CTNND2: variants seen among roughly 807,000 people sequenced by gnomAD.
CTNND2 encodes catenin delta 2.
In CTNND2, 22 loss-of-function variants were observed where a neutral mutation model predicts 144.4. That is an observed-to-expected ratio of 0.15 (90% CI 0.11 to 0.22). CTNND2 has a LOEUF of 0.22. Ranked by LOEUF, CTNND2 falls within the 10% of genes least tolerant of loss-of-function variation. The probability of loss-of-function intolerance (pLI) is 1.00; values close to 1 mark genes in which losing one functional copy is unlikely to be tolerated. For synonymous variants in CTNND2, 751 were observed against 695.6 expected (o/e 1.08, Z -1.25); for missense variants, 1,353 against 1,618.8 (o/e 0.84, Z 2.82).
chr5:11,814,766 A>T (rs947727304), intron 1 of CTNND2, among the ~76,000 whole-genome samples: 2 of 152,246 alleles, frequency 1.3e-5, no homozygotes, highest in Non-Finnish European at 2.9e-5. Context: ...TCTACTTGAC[A>T]AAATAAAATA....
chr5:11,264,282 G>A (rs930655670), intron 9 of CTNND2, among the ~76,000 whole-genome samples: 1 of 152,142 alleles, frequency 6.6e-6, no homozygotes, highest in Non-Finnish European at 1.5e-5. Context: ...TTGGAAACAG[G>A]GTCTTTGCAG....
chr5:11,368,676 T>C (rs1757193206), intron 7 of CTNND2, among the ~76,000 whole-genome samples: 1 of 152,160 alleles, frequency 6.6e-6, no homozygotes, highest in Non-Finnish European at 1.5e-5. Context: ...TAAACAGAAA[T>C]GGTATCTAAA....
At chr5:11,126,107 GC>G (rs1447678750) in intron 12 of CTNND2, among the ~76,000 whole-genome samples, 1 of 152,186 alleles carries the variant, frequency 6.6e-6, no homozygotes, top group Non-Finnish European at 1.5e-5. Flanking sequence ...TTCGAGACCA[GC>G]CTGACCAACA....
chr5:11,735,002 T>C (rs970447849), intron 1 of CTNND2, among the ~76,000 whole-genome samples: 31 of 152,008 alleles, frequency 2.0e-4, no homozygotes, highest in African/African-American at 5.8e-4. Context: ...CCAATGGGGA[T>C]TGGAATAGCA....
intron 3 of CTNND2, among the ~76,000 whole-genome samples, chr5:11,491,803 G>A (rs749908322): frequency 2.0e-5 from 3 of 152,136 alleles, no homozygotes; most frequent in South Asian, 2.1e-4. Context: ...TTTCTAAGCC[G>A]ATACCCAGTC....
intron 2 of CTNND2, among the ~76,000 whole-genome samples, chr5:11,729,970 C>CTT (rs1787245064): frequency 1.3e-5 from 1 of 78,296 alleles, no homozygotes; most frequent in Admixed American, 1.0e-4. Flanking sequence ...TCATTACTTG[C>CTT]TTGCATCTTT....
intron 3 of CTNND2, among the ~76,000 whole-genome samples, chr5:11,418,996 CTATA>C (rs201500099): frequency 3.4e-5 from 5 of 147,800 alleles, no homozygotes; most frequent in African/African-American, 1.2e-4. Context: ...ATGCATCTCT[CTATA>C]TATATATATC....
At chr5:11,312,306 T>C (rs991939560) in intron 9 of CTNND2, among the ~76,000 whole-genome samples, 1 of 150,778 alleles carries the variant, frequency 6.6e-6, no homozygotes, top group African/African-American at 2.4e-5. Flanking sequence ...TGTATTAGTC[T>C]GTTTTCATGC....
rs1341961972 is a variant in CTNND2, at chr5:11,397,114, T to A, written c.529A>T (p.Thr177Ser). The change falls in exon 6 of 22, where the codon ACC becomes TCC. Residue 177 changes from threonine (T) to serine (S), a missense_variant. This residue lies in a region of CTNND2 where 708 missense variants were observed against 706.4 expected (regional missense o/e 1.00). Coordinates refer to ENST00000304623, the MANE Select transcript of CTNND2 (RefSeq NM_001332.4). Reference sequence around the variant, plus strand: ...GGGGTGGTTTCCCCCAGGGCCAGGGTCTGGTTGCTATGGTAGCTGGCCGGA... The same window carrying A: ...GGGGTGGTTTCCCCCAGGGCCAGGGACTGGTTGCTATGGTAGCTGGCCGGA... ...QYPASYHSNQ[T>S]LALGETTPSQ... The A allele has an allele frequency of 1.2e-6, 2 of 1,613,944 alleles. No homozygotes were observed. The highest frequency in any genetic ancestry group is 2.7e-5 in the African/African-American group (2 of 74,858).
chr5:11,078,024 GT>G (rs2149625749), intron 16 of CTNND2, among the ~76,000 whole-genome samples: 1 of 152,320 alleles, frequency 6.6e-6, no homozygotes, highest in South Asian at 2.1e-4. Context: ...AAGACATCCA[GT>G]GGAGAGGATA....
chr5:11,813,040 G>A (rs1442933253), intron 1 of CTNND2, among the ~76,000 whole-genome samples: 1 of 152,142 alleles, frequency 6.6e-6, no homozygotes, highest in Non-Finnish European at 1.5e-5. Flanking sequence ...GTAGAGTCAT[G>A]CACTGCATAA....
intron 15 of CTNND2, among the ~76,000 whole-genome samples, chr5:11,097,507 C>A (rs16901256): frequency 0.014 from 2,191 of 152,250 alleles, 54 homozygotes; most frequent in African/African-American, 0.05. Flanking sequence ...CAGGGCCTGG[C>A]ACCCATGAGC....
rs1344538189 is a variant in CTNND2, at chr5:11,384,332, T to G, written c.1177+333A>C. Among the ~76,000 whole-genome samples the G allele has an allele frequency of 5.3e-5, 8 of 152,328 alleles. No individual in the cohort carries two copies. Among genetic ancestry groups the G allele is most frequent in the Non-Finnish European group, 7.4e-5 (5 of 68,022 alleles). Reference sequence around the variant, plus strand: ...TGTTTTGCTTTTTTTCTGGATACCATCAACAGGTCTATGGGATGCTTTCCT... The same window carrying G: ...TGTTTTGCTTTTTTTCTGGATACCAGCAACAGGTCTATGGGATGCTTTCCT... On this transcript the variant is annotated intron_variant, in intron 7 of 21. Coordinates refer to ENST00000304623, the MANE Select transcript of CTNND2 (RefSeq NM_001332.4). The surrounding 1 kb of genome is among the most constrained non-coding windows in gnomAD (Gnocchi z 5.2).
At chr5:11,433,441 CA>C (rs1259445020) in intron 3 of CTNND2, among the ~76,000 whole-genome samples, 2 of 152,046 alleles carry the variant, frequency 1.3e-5, no homozygotes, top group African/African-American at 2.4e-5. Context: ...GCTATTCTTG[CA>C]CTGTTAAAAG....
intron 10 of CTNND2, among the ~76,000 whole-genome samples, chr5:11,214,028 C>G (rs1156537346): frequency 2.6e-5 from 4 of 152,114 alleles, no homozygotes. Flanking sequence ...TAACCCACCA[C>G]TTGTGGGTTC....
At chr5:11,404,609 T>TC (rs1760932907) in intron 5 of CTNND2, among the ~76,000 whole-genome samples, 1 of 77,714 alleles carries the variant, frequency 1.3e-5, no homozygotes, top group Non-Finnish European at 2.1e-5. Flanking sequence ...ATTCTTTTTT[T>TC]TTTTTTTTTT....
At chr5:11,586,209 C>T (rs555807747) in intron 2 of CTNND2, among the ~76,000 whole-genome samples, 1 of 152,284 alleles carries the variant, frequency 6.6e-6, no homozygotes, top group South Asian at 2.1e-4. Context: ...CTAATAAACA[C>T]ATATAAATGC....
intron 2 of CTNND2, among the ~76,000 whole-genome samples, chr5:11,566,070 G>A (rs1777068268): frequency 6.6e-6 from 1 of 152,100 alleles, no homozygotes; most frequent in Non-Finnish European, 1.5e-5. Flanking sequence ...CAGAAAATAA[G>A]ATTTTATTTA....
intron 1 of CTNND2, among the ~76,000 whole-genome samples, chr5:11,810,310 T>A (rs777941480): frequency 2.0e-5 from 3 of 152,168 alleles, no homozygotes; most frequent in Non-Finnish European, 2.9e-5. Context: ...GACACAGACC[T>A]TGAAAAGGAA....
Sources: allele counts gnomAD v4.1 joint callset (sites outside exome capture counted in the v4.1 genomes callset), GRCh38; gene constraint gnomAD v4.1.1; regional missense constraint gnomAD v4.1.1; non-coding constraint Gnocchi (gnomAD v3.1); transcripts MANE v1.5; gene names NCBI Gene and HGNC (gene_info 2026-07-23, HGNC 2026-07-21).